The following CAPN14 variants were observed in gnomAD, a reference collection of about 807,000 sequenced individuals.
CAPN14 encodes the protein calpain 14, also known as calpain-14.
In CAPN14, 94 loss-of-function variants were observed where a neutral mutation model predicts 101.3. The observed-to-expected ratio is 0.93, with a 90% CI of 0.79 to 1.10. The LOEUF (loss-of-function observed/expected upper bound fraction) is 1.10, where lower values mean the gene tolerates loss of function less well. CAPN14 is among the 50% of genes least tolerant of loss of function. The probability of loss-of-function intolerance (pLI) is 0.00; values close to 1 mark genes in which losing one functional copy is unlikely to be tolerated. For synonymous variants in CAPN14, 338 were observed against 317.9 expected (o/e 1.06, Z -0.67); for missense variants, 837 against 828.4 (o/e 1.01, Z -0.13).
At chr2:31,177,261 ATCT>A (rs1680352180) in intron 19 of CAPN14, 119 bp from the exon 20 acceptor site, 3 of 627,548 alleles carry the variant, frequency 4.8e-6, no homozygotes, top group Non-Finnish European at 8.5e-6. Context: ...TAGCATGGAA[ATCT>A]TCTTTTATAG....
chr2:31,181,783 T>C (rs1253201126), intron 16 of CAPN14, among the ~76,000 whole-genome samples: 1 of 148,228 alleles, frequency 6.7e-6, no homozygotes, highest in Non-Finnish European at 1.5e-5. Flanking sequence ...TTTGGTTTTT[T>C]GTCCTTGCGA....
rs1454622534 is a variant in CAPN14, at chr2:31,205,163, A to G, written c.225+60T>C. ...TTTTTCTCCCATATATCTTAGGCGC[A>G]GTATCTGAAAGCCCTAAACCCTGGG... is the stretch of plus-strand genomic sequence containing the variant. On this transcript the variant is annotated intron_variant, in intron 2 of 21. Transcript: ENST00000403897. The G allele has an allele frequency of 2.1e-6, 3 of 1,410,874 alleles. No homozygotes were observed. The African/African-American group carries it at 4.3e-5, about 20-fold the overall frequency. The allele number at this position is 1,410,874 out of a possible 1,614,324, so 87.4% of individuals were successfully genotyped here.
At position 31,177,086 on chromosome 2, in the gene CAPN14, G is replaced by A. The variant is rs564408807; in HGVS notation, c.1912C>T (p.Arg638Cys). 2.4e-5 allele frequency: 37 copies of A among 1,551,128 alleles called. No individual in the cohort carries two copies. The highest frequency in any genetic ancestry group is 8.2e-5 in the African/African-American group (6 of 73,184). The change falls in exon 20 of 22, where the codon CGC (arginine) becomes TGC (cysteine). Residue 638 changes from arginine to cysteine, a missense_variant. By Grantham distance (180) the Arg-to-Cys change is radical. Coordinates refer to ENST00000403897, the MANE Select transcript of CAPN14 (RefSeq NM_001145122.2). ...AAACTGACAAAGTCCATCTGGAGGC[G>A]GGGGCCGCCGTAGCGGATGAGCATC... ...QLMLIRYGGP[R>C]LQMDFVSFIH...
Position 31,173,743 on chromosome 2 carries a change from A to C in CAPN14, c.*938T>G, listed in dbSNP as rs1036537183. ...CTCTGAGGTGCTAACTTATGAATAA[A>C]TTGCATAGACTTTGGAAAAAGGCCA... On this transcript the variant is annotated 3_prime_UTR_variant, in exon 22 of 22. Transcript: ENST00000403897. The C allele has an allele frequency of 6.6e-5, 10 of 152,158 alleles. No individual in the cohort carries two copies. Among genetic ancestry groups the C allele is most frequent in the Non-Finnish European group, 1.2e-4 (8 of 68,034 alleles). The allele number at this position is 152,158 out of a possible 1,614,324, so 9.4% of individuals were successfully genotyped here.
At chr2:31,175,803 A>T (rs1430782936) in intron 21 of CAPN14, among the ~76,000 whole-genome samples, 2 of 152,220 alleles carry the variant, frequency 1.3e-5, no homozygotes, top group African/African-American at 2.4e-5. Flanking sequence ...AAGTGGCCAT[A>T]GCAGAGGAAG....
intron 1 of CAPN14, among the ~76,000 whole-genome samples, chr2:31,216,012 C>T (rs1682628164): frequency 6.6e-6 from 1 of 152,010 alleles, no homozygotes; most frequent in Non-Finnish European, 1.5e-5. Flanking sequence ...TGCAAAATAT[C>T]CCCAAATGAA....
At chr2:31,216,684 T>C (rs1162838796) in intron 1 of CAPN14, among the ~76,000 whole-genome samples, 4 of 151,976 alleles carry the variant, frequency 2.6e-5, no homozygotes, top group African/African-American at 9.7e-5. Context: ...CACCAAAACA[T>C]TGTCACCCTG....
chr2:31,184,412 C>A (rs1000865830), intron 16 of CAPN14, among the ~76,000 whole-genome samples: 3 of 152,244 alleles, frequency 2.0e-5, no homozygotes, highest in Non-Finnish European at 2.9e-5. Context: ...CTACTCCTCA[C>A]ATGCGATGGT....
rs752622126 is a variant in CAPN14 at position 31,200,628 on chromosome 2, G to A, written c.552-3C>T. On this transcript the variant is annotated splice_polypyrimidine_tract_variant and splice_region_variant and intron_variant, in intron 5 of 21. Transcript: ENST00000403897. ...AGTCTTCATAGGAACCAGAGAGCCT[G>A]GCCAGGGAAGAAATAAACATGAGAG... 3 of 1,537,954 alleles carry A rather than the reference G, an allele frequency of 2.0e-6. No homozygotes were observed. The highest frequency in any genetic ancestry group is 2.5e-5 in the South Asian group (2 of 81,444).
chr2:31,217,202 C>A (rs887166184), intron 1 of CAPN14, among the ~76,000 whole-genome samples: 3 of 151,470 alleles, frequency 2.0e-5, no homozygotes, highest in Non-Finnish European at 2.9e-5. Context: ...ATACTCCCAT[C>A]TTTTTTTTTA....
intron 16 of CAPN14, among the ~76,000 whole-genome samples, chr2:31,181,492 TCTTTC>T (rs1283643222): frequency 6.6e-4 from 89 of 134,606 alleles, no homozygotes; most frequent in Non-Finnish European, 1.0e-3. Context: ...TCTCTCTCTC[TCTTTC>T]CTTTCTTTCT....
chr2:31,225,320 T>C (rs1389788903), intron 2 of CAPN14, among the ~76,000 whole-genome samples: 1 of 151,992 alleles, frequency 6.6e-6, no homozygotes, highest in Non-Finnish European at 1.5e-5. Flanking sequence ...ATAACTACAT[T>C]TTAATAAAAT....
At chr2:31,195,162 G>A (rs1263522967) in intron 8 of CAPN14, among the ~76,000 whole-genome samples, 1 of 152,128 alleles carries the variant, frequency 6.6e-6, no homozygotes, top group African/African-American at 2.4e-5. Context: ...CCGAAAGGAG[G>A]GGGCTACATG....
At chr2:31,205,767 C>T (rs571395459) in intron 1 of CAPN14, among the ~76,000 whole-genome samples, 2 of 152,154 alleles carry the variant, frequency 1.3e-5, no homozygotes, top group East Asian at 3.9e-4. Flanking sequence ...GAGTCCTGGG[C>T]CCCTGACTGC....
intron 7 of CAPN14, 150 bp from the exon 8 acceptor site, chr2:31,197,484 G>C: frequency 8.3e-6 from 5 of 601,032 alleles, no homozygotes; most frequent in Non-Finnish European, 1.2e-5. Flanking sequence ...TCTGCTTCTT[G>C]TACTTACAAG....
At chr2:31,181,323 A>G (rs1680584538) in intron 16 of CAPN14, among the ~76,000 whole-genome samples, 1 of 151,942 alleles carries the variant, frequency 6.6e-6, no homozygotes, top group South Asian at 2.1e-4. Flanking sequence ...CCAAGAGGTC[A>G]ACTTGTTCAA....
intron 5 of CAPN14, among the ~76,000 whole-genome samples, chr2:31,201,227 TTGCGTGTGTGTGTGCATGTGTATGTGCA>T (rs1681763363): frequency 4.7e-5 from 7 of 149,410 alleles, no homozygotes; most frequent in Admixed American, 4.0e-4. Flanking sequence ...GTGTCTGTGT[TTGCGTGTGTGTGTGCATGTGTATGTGCA>T]TGCGTGTGTG....
At chr2:31,214,183 T>G (rs1381599179) in intron 1 of CAPN14, among the ~76,000 whole-genome samples, 1 of 152,190 alleles carries the variant, frequency 6.6e-6, no homozygotes, top group African/African-American at 2.4e-5. Flanking sequence ...TGCTGGCCAA[T>G]TGACTCACTG....
Position 31,201,945 on chromosome 2 carries a change from C to G in CAPN14, c.468G>C (p.Val156=). 6.4e-7 allele frequency: 1 copy of G among 1,551,738 alleles called. No individual in the cohort carries two copies. The change falls in exon 5 of 22, where the codon GTG becomes GTC. Residue 156 remains valine, a synonymous_variant. Coordinates refer to ENST00000403897, the MANE Select transcript of CAPN14 (RefSeq NM_001145122.2). ...CAAAGACCAGCTGGCCAGCCTCATT[C>G]ACAGGCAGACGGTCATCGATCACCA... is the stretch of plus-strand genomic sequence containing the variant. ...VPVVIDDRLP[V]NEAGQLVFVS... is the part of the protein sequence containing the mutation.
Sources: gnomAD v4.1 joint callset for allele counts (sites outside exome capture counted in the v4.1 genomes callset) on GRCh38, gnomAD v4.1.1 for gene constraint, MANE v1.5 for transcripts, NCBI Gene and HGNC (gene_info 2026-07-23, HGNC 2026-07-21) for gene names.